ALPG: variants seen among roughly 807,000 people sequenced by gnomAD.
The protein encoded by ALPG is alkaline phosphatase, germ cell type.
In ALPG, 32 loss-of-function variants were observed where a neutral mutation model predicts 48.6. The observed-to-expected ratio is 0.66, with a 90% CI of 0.50 to 0.88. The LOEUF (loss-of-function observed/expected upper bound fraction) is 0.88. ALPG is among the 40% of genes least tolerant of loss of function. The pLI is 0.00. For synonymous variants in ALPG, 244 were observed against 308.9 expected (o/e 0.79, Z 2.20); for missense variants, 533 against 718.1 (o/e 0.74, Z 2.95).
chr2:232,407,428 T>C (rs373835589), intron 3 of ALPG, 27 bp downstream of exon 3: 2 of 1,610,546 alleles, frequency 1.2e-6, no homozygotes, highest in Non-Finnish European at 1.7e-6. Flanking sequence ...CTTAGAGTCC[T>C]CCAAGCAGAG....
chr2:232,409,879 C>G lies in ALPG; in HGVS notation c.*7C>G, dbSNP rs750679788. 2.1e-5 allele frequency: 33 copies of G among 1,550,198 alleles called. No individual in the cohort carries two copies. The African/African-American group carries it at 3.4e-4, about 16-fold the overall frequency. On this transcript the variant is annotated 3_prime_UTR_variant, in exon 11 of 11. Coordinates refer to ENST00000295453, the MANE Select transcript of ALPG (RefSeq NM_031313.3). ...GACGGCCACTGCTCCCTGAGTGTCC[C>G]GTCCCTGGGGCTCCTGCTTCCCCAT...
chr2:232,409,350 C>G lies in ALPG; in HGVS notation c.1202C>G (p.Ala401Gly). The change falls in exon 10 of 11, where the codon GCC (alanine) becomes GGC (glycine). Residue 401 changes from alanine to glycine, a missense_variant. Around this residue, in one of 6 missense-constraint regions of ALPG, gnomAD observed 11 missense variants for 29.7 expected, o/e 0.37. Coordinates refer to ENST00000295453, the MANE Select transcript of ALPG (RefSeq NM_031313.3). Reference protein sequence around the residue: ...SSIFGLAPGKARDRKAYTVLL... With the variant: ...SSIFGLAPGKGRDRKAYTVLL... ...TCTGCAGGGCTGGCCCCTGGCAAGG[C>G]CCGGGACAGGAAGGCCTACACGGTC... is the stretch of plus-strand genomic sequence containing the variant. 1 of 1,587,432 alleles carries G rather than the reference C, an allele frequency of 6.3e-7. No homozygotes were observed.
rs114654206 is a variant in ALPG, at chr2:232,408,509, G to A, written c.792G>A (p.Arg264=). 2.6e-3 allele frequency: 4,074 copies of A among 1,595,016 alleles called. 182 individuals are homozygous for A. In the African/African-American group the frequency reaches 0.048, roughly 19 times the overall value. ...TCTCTCCCTCCCCGCAGGGTGCCCG[G>A]TACGTGTGGAACCGCACTGAGCTCC... ...QEWLAKHQGA[R]YVWNRTELLQ... Residue 264 remains arginine (R), a synonymous_variant, in exon 7 of 11, where the codon CGG becomes CGA. Transcript: ENST00000295453.
chr2:232,408,063 G>C, intron 5 of ALPG, 46 bp downstream of exon 5: 1 of 1,583,820 alleles, frequency 6.3e-7, no homozygotes, highest in Non-Finnish European at 8.6e-7. Context: ...AGAGTAGCAG[G>C]GAGGGGGCAC....
At position 232,410,589 on chromosome 2, in the gene ALPG, C is replaced by A. The variant is rs1321688152; in HGVS notation, c.*717C>A. 1 of 152,296 alleles carries A rather than the reference C, an allele frequency of 6.6e-6. No individual in the cohort carries two copies. The highest frequency in any genetic ancestry group is 2.4e-5 in the African/African-American group (1 of 41,456). 9.4% of individuals were successfully genotyped at this position (152,296 alleles called of 1,614,324 possible). ...GATAGCAGTCCAGAGTCCATGGCCC[C>A]GCCTAGGCCATCTGGGTGCTGGGCA... On this transcript the variant is annotated 3_prime_UTR_variant, in exon 11 of 11. Coordinates refer to ENST00000295453, the MANE Select transcript of ALPG (RefSeq NM_031313.3).
chr2:232,407,795 G>C (rs1330360590), intron 4 of ALPG, 27 bp downstream of exon 4: 11 of 1,613,616 alleles, frequency 6.8e-6, no homozygotes, highest in South Asian at 5.5e-5. Flanking sequence ...TGTGGGGTCA[G>C]GGCCAGGTGA....
chr2:232,407,765 G>A lies in ALPG; in HGVS notation c.472G>A (p.Ala158Thr). 1 of 1,613,826 alleles carries A rather than the reference G, an allele frequency of 6.2e-7. No individual in the cohort carries two copies. The highest frequency in any genetic ancestry group is 1.1e-5 in the South Asian group (1 of 90,978). The change falls in exon 4 of 11, where the codon GCA (alanine) becomes ACA (threonine). Residue 158 changes from alanine to threonine, a missense_variant. Physicochemically the swap from Ala to Thr is moderately conservative, Grantham distance 58 (BLOSUM62 0). Around this residue, in one of 6 missense-constraint regions of ALPG, gnomAD observed 315 missense variants for 305.8 expected, o/e 1.03. Transcript: ENST00000295453. ...CTCCGTGATGAATCGGGCCAAGAAAGCAGGTGAGCTGGGGCCCGCTGTGGG... is the reference window on the plus strand; with the variant it reads ...CTCCGTGATGAATCGGGCCAAGAAAACAGGTGAGCTGGGGCCCGCTGTGGG... ...VISVMNRAKK[A>T]GKSVGVVTTT...
Position 232,407,464 on chromosome 2 carries a change from G to T in ALPG, c.300+63G>T. 14 of 1,595,494 alleles carry T rather than the reference G, an allele frequency of 8.8e-6. No individual in the cohort carries two copies. The South Asian group carries it at 1.5e-4, about 17-fold the overall frequency. On this transcript the variant is annotated intron_variant, in intron 3 of 10. Transcript: ENST00000295453. Reference sequence around the variant, plus strand: ...AAGGGGAATCCTGGCTATGGAGTGTGGTAGGAGGGAGGGACCCTAAACAGC... The same window carrying T: ...AAGGGGAATCCTGGCTATGGAGTGTTGTAGGAGGGAGGGACCCTAAACAGC...
rs1697162048 is a variant in ALPG at position 232,410,019 on chromosome 2, A to G, written c.*147A>G. On this transcript the variant is annotated 3_prime_UTR_variant, in exon 11 of 11. Transcript: ENST00000295453. ...CCATGGAACCTTCCCCTCCCGGTGC[A>G]CCCTGGGGACCGAGCCCTTGACACC... is the stretch of plus-strand genomic sequence containing the variant. 1.6e-6 allele frequency: 2 copies of G among 1,249,414 alleles called. No homozygotes were observed. The highest frequency in any genetic ancestry group is 1.1e-6 in the Non-Finnish European group (1 of 931,120). The allele number at this position is 1,249,414 out of a possible 1,614,324, so 77.4% of individuals were successfully genotyped here. A position where few individuals can be genotyped will look rare whatever the true frequency, so the allele number is the denominator to read the frequency against.
chr2:232,409,765 C>A lies in ALPG; in HGVS notation c.1492C>A (p.Arg498Ser), dbSNP rs56080708. The change falls in exon 11 of 11, where the codon CGC (arginine) becomes AGC (serine). Residue 498 changes from arginine to serine, a missense_variant. Coordinates refer to ENST00000295453, the MANE Select transcript of ALPG (RefSeq NM_031313.3). ...EPYTACDLAP[R>S]AGTTDAAHPG... is the part of the protein sequence containing the mutation. ...CTACACCGCCTGCGACCTGGCGCCC[C>A]GCGCCGGCACCACCGACGCCGCGCA... The A allele has an allele frequency of 0.085, 136,557 of 1,606,718 alleles. 6,615 individuals carry two copies. Among genetic ancestry groups the A allele is most frequent in the East Asian group, 0.22 (9,716 of 44,592 alleles).
In ALPG at chr2:232,410,568, G is replaced by A. The variant is rs1697170102; in HGVS notation, c.*696G>A. ...CCTGGGAAGCTCTGGGTGCAGGATA[G>A]CAGTCCAGAGTCCATGGCCCCGCCT... On this transcript the variant is annotated 3_prime_UTR_variant, in exon 11 of 11. Transcript: ENST00000295453. 3 of 152,680 alleles carry A rather than the reference G, an allele frequency of 2.0e-5. No individual in the cohort carries two copies. In the South Asian group the frequency reaches 6.2e-4, roughly 32 times the overall value. 9.5% of individuals were successfully genotyped at this position (152,680 alleles called of 1,614,324 possible). A position where few individuals can be genotyped will look rare whatever the true frequency, so the allele number is the denominator to read the frequency against.
In ALPG at chr2:232,409,807, G is replaced by A. The variant is rs571068245; in HGVS notation, c.1534G>A (p.Val512Ile). 5 of 1,594,284 alleles carry A rather than the reference G, an allele frequency of 3.1e-6. No homozygotes were observed. The South Asian group carries it at 4.5e-5, about 14-fold the overall frequency. Residue 512 changes from valine (V) to isoleucine (I), a missense_variant, in exon 11 of 11, where the codon GTC (valine) becomes ATC (isoleucine). Transcript: ENST00000295453. ...CGCCGCGCACCCGGGGCCGTCCGTG[G>A]TCCCCGCGTTGCTTCCTCTGCTGGC... ...TDAAHPGPSV[V>I]PALLPLLAGT...
At position 232,409,422 on chromosome 2, in the gene ALPG, G is replaced by A; in HGVS notation, c.1274G>A (p.Arg425Gln). Residue 425 changes from arginine (R) to glutamine (Q), a missense_variant, in exon 10 of 11, where the codon CGG (arginine) becomes CAG (glutamine). Physicochemically the swap from Arg to Gln is conservative, Grantham distance 43. This residue lies in a region of ALPG where 145 missense variants were observed against 174.3 expected (regional missense o/e 0.83). Coordinates refer to ENST00000295453, the MANE Select transcript of ALPG (RefSeq NM_031313.3). ...GGCTATGTGCTCAAGGACGGCGCCC[G>A]GCCGGATGTTACGGAGAGCGAGAGC... is the stretch of plus-strand genomic sequence containing the variant. Reference protein sequence around the residue: ...GPGYVLKDGARPDVTESESGS... With the variant: ...GPGYVLKDGAQPDVTESESGS... 2.7e-6 allele frequency: 4 copies of A among 1,502,082 alleles called. No individual in the cohort carries two copies. The highest frequency in any genetic ancestry group is 2.3e-5 in the East Asian group (1 of 42,690). The allele number at this position is 1,502,082 out of a possible 1,614,324, so 93.0% of individuals were successfully genotyped here.
Position 232,407,846 on chromosome 2 carries a change from A to C in ALPG, c.477A>C (p.Gly159=), listed in dbSNP as rs767500608. The C allele has an allele frequency of 6.2e-7, 1 of 1,613,414 alleles. No individual in the cohort carries two copies. Among genetic ancestry groups the C allele is most frequent in the South Asian group, 1.1e-5 (1 of 90,982 alleles). ...TATCCTGACCTCTATCACCCTCAGG[A>C]AAGTCAGTGGGAGTGGTAACCACCA... ...ISVMNRAKKA[G]KSVGVVTTTR... is the part of the protein sequence containing the mutation. Residue 159 remains glycine (G), a splice_region_variant and synonymous_variant, in exon 5 of 11, where the codon GGA becomes GGC. Transcript: ENST00000295453.
In ALPG at chr2:232,409,861, A is replaced by C; in HGVS notation, c.1588A>C (p.Thr530Pro). 1 of 1,573,604 alleles carries C rather than the reference A, an allele frequency of 6.4e-7. No individual in the cohort carries two copies. The highest frequency in any genetic ancestry group is 8.6e-7 in the Non-Finnish European group (1 of 1,164,412). Reference sequence around the variant, plus strand: ...GACCTTGCTGCTGCTGGGGACGGCCACTGCTCCCTGAGTGTCCCGTCCCTG... The same window carrying C: ...GACCTTGCTGCTGCTGGGGACGGCCCCTGCTCCCTGAGTGTCCCGTCCCTG... ...AGTLLLLGTA[T>P]AP Residue 530 changes from threonine to proline, a missense_variant, in exon 11 of 11, where the codon ACT becomes CCT. By Grantham distance (38) the Thr-to-Pro change is conservative (BLOSUM62 -1). This residue lies in a region of ALPG where 145 missense variants were observed against 174.3 expected (regional missense o/e 0.83). Transcript: ENST00000295453.
Position 232,407,385 on chromosome 2 carries a change from A to T in ALPG, c.284A>T (p.Tyr95Phe), listed in dbSNP as rs112965314. The T allele has an allele frequency of 4.7e-3, 7,585 of 1,613,886 alleles. 63 individuals carry two copies. The highest frequency in any genetic ancestry group is 4.8e-3 in the Non-Finnish European group (5,633 of 1,179,992). Residue 95 changes from tyrosine to phenylalanine, a missense_variant, in exon 3 of 11, where the codon TAC (tyrosine) becomes TTC (phenylalanine). Coordinates refer to ENST00000295453, the MANE Select transcript of ALPG (RefSeq NM_031313.3). Reference protein sequence around the residue: ...ETFLAMDRFPYVALSKTYSVD... With the variant: ...ETFLAMDRFPFVALSKTYSVD... The stretch of plus-strand genomic sequence containing the variant: ...TTCCTGGCCATGGACCGCTTCCCGT[A>T]CGTGGCTCTGTCCAAGGTAAGTGCT...
In ALPG at chr2:232,409,997, TGG is replaced by T. The variant is rs1697161701; in HGVS notation, c.*126_*127del. The T allele has an allele frequency of 7.3e-7, 1 of 1,377,636 alleles. No individual in the cohort carries two copies. Among genetic ancestry groups the T allele is most frequent in the African/African-American group, 1.5e-5 (1 of 68,284 alleles). The allele number at this position is 1,377,636 out of a possible 1,614,324, so 85.3% of individuals were successfully genotyped here. A position where few individuals can be genotyped will look rare whatever the true frequency, so the allele number is the denominator to read the frequency against. ...GAGTCGCCACACAGACGTCCTGCCA[TGG>T]AACCTTCCCCTCCCGGTGCACCCTG... is the stretch of plus-strand genomic sequence containing the variant. On this transcript the variant is annotated 3_prime_UTR_variant, in exon 11 of 11. Transcript: ENST00000295453.
Position 232,407,269 on chromosome 2 carries a change from C to T in ALPG, c.185-17C>T. On this transcript the variant is annotated splice_polypyrimidine_tract_variant and intron_variant, in intron 2 of 10. Transcript: ENST00000295453. Reference sequence around the variant, plus strand: ...ACAGCCCTGGGGAGCAAGCCTCACACACTTCTGCTCCTTCAGGGATGGGGG... The same window carrying T: ...ACAGCCCTGGGGAGCAAGCCTCACATACTTCTGCTCCTTCAGGGATGGGGG... 6.2e-7 allele frequency: 1 copy of T among 1,613,972 alleles called. No individual in the cohort carries two copies. Among genetic ancestry groups the T allele is most frequent in the Non-Finnish European group, 8.5e-7 (1 of 1,179,980 alleles).
In ALPG at chr2:232,407,160, C is replaced by T. The variant is rs774725750; in HGVS notation, c.171C>T (p.Ile57=). ...AGACAGCCGCCAAGAACCTCATCAT[C>T]TTCCTGGGTGACGGTGAGTGAGCCA... The part of the protein sequence containing the change: ...PAQTAAKNLI[I]FLGDGMGVST... The change falls in exon 2 of 11, where the codon ATC becomes ATT. Residue 57 remains isoleucine (I), a synonymous_variant. Coordinates refer to ENST00000295453, the MANE Select transcript of ALPG (RefSeq NM_031313.3). 10 of 1,613,878 alleles carry T rather than the reference C, an allele frequency of 6.2e-6. No homozygotes were observed. The highest frequency in any genetic ancestry group is 8.5e-6 in the Non-Finnish European group (10 of 1,180,022).
Sources: allele counts gnomAD v4.1 joint callset, GRCh38; gene constraint gnomAD v4.1.1; regional missense constraint gnomAD v4.1.1; transcripts MANE v1.5; gene names NCBI Gene and HGNC (gene_info 2026-07-23, HGNC 2026-07-21).